PRKCA: variants seen among roughly 807,000 people sequenced by gnomAD.
PRKCA encodes the protein protein kinase C alpha type.
Under a neutral mutation model 87.0 loss-of-function variants are expected in PRKCA, and 27 were observed. The observed-to-expected ratio is 0.31, with a 90% confidence interval of 0.23 to 0.43. The LOEUF is 0.43. Ranked by LOEUF, PRKCA falls within the 20% of genes least tolerant of loss-of-function variation. The pLI is 1.00. For missense variants in PRKCA, 518 were observed against 852.3 expected, an observed-to-expected ratio of 0.61 and a Z score of 4.88; for synonymous variants, 329 against 311.1, an observed-to-expected ratio of 1.06 and a Z score of -0.61.
chr17:66,479,464 A>C (rs1043970900), intron 2 of PRKCA, among the ~76,000 whole-genome samples: 21 of 152,198 alleles, frequency 1.4e-4, no homozygotes, highest in Admixed American at 1.4e-3. Context: ...CAAAGAGCTA[A>C]AAGCAGAACT....
intron 4 of PRKCA, among the ~76,000 whole-genome samples, chr17:66,641,840 C>T (rs1255183156): frequency 1.3e-5 from 2 of 152,000 alleles, no homozygotes; most frequent in Admixed American, 1.3e-4. Context: ...AGCCAAGAAA[C>T]CCTACTCATT....
intron 2 of PRKCA, among the ~76,000 whole-genome samples, chr17:66,402,302 G>A (rs1202332707): frequency 6.6e-6 from 1 of 152,088 alleles, no homozygotes; most frequent in African/African-American, 2.4e-5. Context: ...GAGCTTGGTG[G>A]TTGTGGGAAA....
intron 3 of PRKCA, among the ~76,000 whole-genome samples, chr17:66,584,784 T>A (rs775571173): frequency 2.4e-4 from 36 of 152,284 alleles, no homozygotes; most frequent in Non-Finnish European, 4.7e-4. Flanking sequence ...ACACCAGTCA[T>A]TGGACTTGAG....
intron 3 of PRKCA, among the ~76,000 whole-genome samples, chr17:66,610,051 C>G (rs1376671534): frequency 6.6e-6 from 1 of 152,084 alleles, no homozygotes; most frequent in Non-Finnish European, 1.5e-5. Flanking sequence ...ACAACACTGC[C>G]CCCCACCATC....
intron 3 of PRKCA, among the ~76,000 whole-genome samples, chr17:66,631,324 G>T (rs2143747866): frequency 6.6e-6 from 1 of 152,260 alleles, no homozygotes; most frequent in East Asian, 1.9e-4. Flanking sequence ...GAAATTGATA[G>T]GTACCTAGGA....
intron 2 of PRKCA, among the ~76,000 whole-genome samples, chr17:66,467,150 C>T (rs149761100): frequency 4.6e-5 from 7 of 152,234 alleles, no homozygotes; most frequent in Admixed American, 3.3e-4. Flanking sequence ...TTGCCTCATG[C>T]GCAGGAGGTG....
chr17:66,706,525 C>T (rs990507865), intron 8 of PRKCA, among the ~76,000 whole-genome samples: 2 of 151,602 alleles, frequency 1.3e-5, no homozygotes, highest in African/African-American at 4.8e-5. Flanking sequence ...CACCTGTAGT[C>T]CCAGCTGGAG....
At chr17:66,485,946 G>A (rs1426730223) in intron 2 of PRKCA, among the ~76,000 whole-genome samples, 1 of 152,172 alleles carries the variant, frequency 6.6e-6, no homozygotes, top group African/African-American at 2.4e-5. Context: ...AGAACGTGTT[G>A]CAATGATTAT....
At chr17:66,425,147 C>A (rs1418104864) in intron 2 of PRKCA, among the ~76,000 whole-genome samples, 1 of 152,180 alleles carries the variant, frequency 6.6e-6, no homozygotes, top group East Asian at 1.9e-4. Flanking sequence ...CTGTCGCTCC[C>A]AGAAGCTGCA....
At chr17:66,720,572 G>T (rs192254443) in intron 8 of PRKCA, among the ~76,000 whole-genome samples, 2 of 152,310 alleles carry the variant, frequency 1.3e-5, no homozygotes, top group African/African-American at 2.4e-5. Flanking sequence ...GCAGGTAAAG[G>T]CATTACCTTA....
intron 3 of PRKCA, among the ~76,000 whole-genome samples, chr17:66,627,334 A>G (rs868045686): frequency 2.0e-5 from 3 of 152,032 alleles, no homozygotes; most frequent in Non-Finnish European, 4.4e-5. Context: ...AATGAGTACT[A>G]TTTTGGTCAT....
chr17:66,569,590 C>T (rs2143379820), intron 3 of PRKCA, among the ~76,000 whole-genome samples: 1 of 117,628 alleles, frequency 8.5e-6, no homozygotes. Flanking sequence ...AAAACCTCCT[C>T]CTACAGATCA....
intron 3 of PRKCA, among the ~76,000 whole-genome samples, chr17:66,569,349 C>T (rs77415196): frequency 1.8e-4 from 24 of 132,550 alleles, no homozygotes; most frequent in African/African-American, 6.4e-4. Flanking sequence ...AGGCGGGGAT[C>T]GCCTGAGGTC....
Position 66,808,101 on chromosome 17 carries a change from C to T in PRKCA, c.*4064C>T, listed in dbSNP as rs1976074307. The T allele has an allele frequency of 6.6e-6, 1 of 152,180 alleles. No homozygotes were observed. The highest frequency in any genetic ancestry group is 6.5e-5 in the Admixed American group (1 of 15,280). The allele number at this position is 152,180 out of a possible 1,614,324, so 9.4% of individuals were successfully genotyped here. A position where few individuals can be genotyped will look rare whatever the true frequency, so the allele number is the denominator to read the frequency against. ...TTCCCCTCCCCACCTTGAAGTAGCT[C>T]ATAGTTCTCTGGGCAGAGCCAGACC... On this transcript the variant is annotated 3_prime_UTR_variant, in exon 17 of 17. Coordinates refer to ENST00000413366, the MANE Select transcript of PRKCA (RefSeq NM_002737.3).
At chr17:66,318,468 G>A (rs1419013358) in intron 2 of PRKCA, among the ~76,000 whole-genome samples, 1 of 152,016 alleles carries the variant, frequency 6.6e-6, no homozygotes, top group Middle Eastern at 3.2e-3. Context: ...TATTGAGCTG[G>A]ATTGATGTCT....
chr17:66,803,853 T>G lies in PRKCA; in HGVS notation c.1855-20T>G. ...TGTCATGTTGACTGACCTTTCCTTC[T>G]TTTTGTCTTTTCTCCACAGTGTGGC... On this transcript the variant is annotated intron_variant, in intron 16 of 16. Coordinates refer to ENST00000413366, the MANE Select transcript of PRKCA (RefSeq NM_002737.3). The surrounding 1 kb of genome is among the most constrained non-coding windows in gnomAD (Gnocchi z 4.4). 1 of 1,611,148 alleles carries G rather than the reference T, an allele frequency of 6.2e-7. No individual in the cohort carries two copies. The highest frequency in any genetic ancestry group is 8.5e-7 in the Non-Finnish European group (1 of 1,177,842).
chr17:66,648,222 A>T (rs1971503449), intron 5 of PRKCA, among the ~76,000 whole-genome samples: 1 of 152,158 alleles, frequency 6.6e-6, no homozygotes, highest in South Asian at 2.1e-4. Flanking sequence ...GTTGAAGGTT[A>T]TCCCGAAAGG....
Position 66,786,900 on chromosome 17 carries a change from T to G in PRKCA, c.1639T>G (p.Phe547Val). Reference sequence around the variant, plus strand: ...TGATGGTGAAGATGAAGACGAGCTATTTCAGTCTATCATGGAGCACAACGT... The same window carrying G: ...TGATGGTGAAGATGAAGACGAGCTAGTTCAGTCTATCATGGAGCACAACGT... ...PFDGEDEDEL[F>V]QSIMEHNVSY... Residue 547 changes from phenylalanine to valine, a missense_variant, in exon 15 of 17, where the codon TTT becomes GTT. Physicochemically the swap from Phe to Val is conservative, Grantham distance 50. Transcript: ENST00000413366. 6.2e-7 allele frequency: 1 copy of G among 1,614,180 alleles called. No homozygotes were observed. Among genetic ancestry groups the G allele is most frequent in the Non-Finnish European group, 8.5e-7 (1 of 1,179,998 alleles).
intron 3 of PRKCA, among the ~76,000 whole-genome samples, chr17:66,496,764 C>T (rs1026472406): frequency 6.6e-6 from 1 of 152,080 alleles, no homozygotes; most frequent in Non-Finnish European, 1.5e-5. Flanking sequence ...CTGCCTCAGC[C>T]TCCTGAGTAG....
Sources: allele counts gnomAD v4.1 joint callset (sites outside exome capture counted in the v4.1 genomes callset), GRCh38; gene constraint gnomAD v4.1.1; non-coding constraint Gnocchi (gnomAD v3.1); transcripts MANE v1.5; gene names NCBI Gene and HGNC (gene_info 2026-07-23, HGNC 2026-07-21).